Variants in TPP2 observed in about 807,000 individuals in gnomAD.
TPP2 encodes tripeptidyl-peptidase 2.
In TPP2, 34 loss-of-function variants were observed where a neutral mutation model predicts 155.9. That is an observed-to-expected ratio of 0.22 (90% CI 0.17 to 0.29). The LOEUF (loss-of-function observed/expected upper bound fraction) is 0.29, where lower values mean the gene tolerates loss of function less well. Among genes scored for constraint, TPP2 ranks in the 10% least tolerant of loss-of-function variants. The probability of loss-of-function intolerance (pLI) is 1.00; values close to 1 mark genes in which losing one functional copy is unlikely to be tolerated. For synonymous variants in TPP2, 510 were observed against 529.4 expected, an observed-to-expected ratio of 0.96 and a Z score of 0.50; for missense variants, 1,028 against 1,522.3, an observed-to-expected ratio of 0.68 and a Z score of 5.40.
rs527719236 is a variant in TPP2 at position 102,649,766 on chromosome 13, T to TTCCTGTGAAACATCCTGTGAAACA, written c.2952+293_2952+294insCCTGTGAAACATCCTGTGAAACAT. 1.9e-3 allele frequency among the ~76,000 whole-genome samples: 286 copies of TTCCTGTGAAACATCCTGTGAAACA among 152,270 alleles called. 2 individuals are homozygous for TTCCTGTGAAACATCCTGTGAAACA. Among genetic ancestry groups the TTCCTGTGAAACATCCTGTGAAACA allele is most frequent in the African/African-American group, 6.6e-3 (273 of 41,574 alleles). ...CCTCCTACGGCTAATACACTTGAAC[T>TTCCTGTGAAACATCCTGTGAAACA]TCCTGTGAAACATGTAAATACAAAT... On this transcript the variant is annotated intron_variant, in intron 23 of 29. Coordinates refer to ENST00000376052, the MANE Select transcript of TPP2 (RefSeq NM_001330588.2).
intron 27 of TPP2, among the ~76,000 whole-genome samples, chr13:102,666,548 G>C (rs559460318): frequency 3.3e-5 from 5 of 151,902 alleles, no homozygotes; most frequent in Non-Finnish European, 7.4e-5. Flanking sequence ...TGCAGCCCCC[G>C]ACATTAACTA....
chr13:102,626,769 G>A, intron 6 of TPP2: 1 of 293,522 alleles, frequency 3.4e-6, no homozygotes, highest in Non-Finnish European at 6.2e-6. Flanking sequence ...AATGTTTGAA[G>A]GGGGGATTCT....
At chr13:102,609,821 A>T (rs1014253228) in intron 2 of TPP2, among the ~76,000 whole-genome samples, 1 of 152,142 alleles carries the variant, frequency 6.6e-6, no homozygotes, top group African/African-American at 2.4e-5. Context: ...AAGGGGTTAT[A>T]TTTCGACATG....
chr13:102,676,264 A>G, intron 28 of TPP2, 32 bp from the exon 29 acceptor site: 1 of 1,523,508 alleles, frequency 6.6e-7, no homozygotes, highest in Non-Finnish European at 8.9e-7. Flanking sequence ...AAATTATTTT[A>G]TAAACAAGCT....
intron 6 of TPP2, 55 bp from the exon 7 acceptor site, chr13:102,626,957 A>C: frequency 7.0e-7 from 1 of 1,430,764 alleles, no homozygotes; most frequent in Non-Finnish European, 9.2e-7. Context: ...ATTGAATTGA[A>C]TAAACTTTCA....
chr13:102,633,848 C>T (rs1595168349), intron 10 of TPP2, 102 bp from the exon 11 acceptor site: 2 of 1,499,524 alleles, frequency 1.3e-6, no homozygotes, highest in East Asian at 4.5e-5. Context: ...GCAGTTAGTA[C>T]ATAGTGTTAT....
chr13:102,625,377 G>A (rs1260185253), intron 6 of TPP2, among the ~76,000 whole-genome samples: 2 of 150,842 alleles, frequency 1.3e-5, no homozygotes, highest in Admixed American at 6.6e-5. Context: ...TGTTAGCCAG[G>A]ATGGTCTCGA....
chr13:102,633,370 T>G (rs1280446924), intron 10 of TPP2, among the ~76,000 whole-genome samples: 2 of 152,114 alleles, frequency 1.3e-5, no homozygotes, highest in Middle Eastern at 3.2e-3. Flanking sequence ...TTCAAAGACT[T>G]GGTACAAAAA....
At chr13:102,652,114 G>C (rs1009089993) in intron 24 of TPP2, among the ~76,000 whole-genome samples, 1 of 152,126 alleles carries the variant, frequency 6.6e-6, no homozygotes, top group African/African-American at 2.4e-5. Context: ...AGTGACTCAT[G>C]CCTGTAATCC....
At chr13:102,601,595 A>T (rs990154065) in intron 1 of TPP2, among the ~76,000 whole-genome samples, 1 of 152,182 alleles carries the variant, frequency 6.6e-6, no homozygotes, top group Non-Finnish European at 1.5e-5. Context: ...AGGATTTAAT[A>T]CCGAAGCTCT....
intron 6 of TPP2, among the ~76,000 whole-genome samples, chr13:102,623,253 A>G (rs1881299567): frequency 6.6e-6 from 1 of 152,172 alleles, no homozygotes; most frequent in Admixed American, 6.5e-5. Flanking sequence ...ATATAAAAGC[A>G]TGTTCCAACA....
At chr13:102,673,096 C>G (rs2139617938) in intron 27 of TPP2, among the ~76,000 whole-genome samples, 1 of 152,250 alleles carries the variant, frequency 6.6e-6, no homozygotes, top group East Asian at 1.9e-4. Context: ...TGAGAATACC[C>G]CGGTCTTGGG....
chr13:102,615,983 G>A (rs1160199205), intron 3 of TPP2, among the ~76,000 whole-genome samples: 5 of 150,708 alleles, frequency 3.3e-5, no homozygotes, highest in African/African-American at 7.3e-5. Context: ...TTGAGACAGA[G>A]TCTTACTCTG....
intron 27 of TPP2, among the ~76,000 whole-genome samples, chr13:102,666,091 A>C (rs368327540): frequency 3.9e-5 from 6 of 152,218 alleles, no homozygotes; most frequent in Non-Finnish European, 8.8e-5. Flanking sequence ...ATAAGGGACT[A>C]TTGAGGGCAT....
intron 5 of TPP2, among the ~76,000 whole-genome samples, 163 bp downstream of exon 5, chr13:102,619,009 C>G (rs1237207802): frequency 6.6e-6 from 1 of 152,074 alleles, no homozygotes; most frequent in Non-Finnish European, 1.5e-5. Flanking sequence ...TTGGACAAGC[C>G]CCTTGAACTT....
At chr13:102,600,862 C>T (rs144567138) in intron 1 of TPP2, among the ~76,000 whole-genome samples, 1 of 151,664 alleles carries the variant, frequency 6.6e-6, no homozygotes, top group East Asian at 1.9e-4. Flanking sequence ...TGTATGCTTT[C>T]ATAGATAGTG....
chr13:102,634,381 T>TTA (rs952811872), intron 11 of TPP2, among the ~76,000 whole-genome samples: 6 of 152,142 alleles, frequency 3.9e-5, no homozygotes, highest in African/African-American at 1.4e-4. Context: ...GGTTACATCA[T>TTA]TATATATATT....
chr13:102,627,043 T>G lies in TPP2; in HGVS notation c.816T>G (p.Ala272=). The G allele has an allele frequency of 3.1e-6, 5 of 1,599,424 alleles. No homozygotes were observed. Among genetic ancestry groups the G allele is most frequent in the Non-Finnish European group, 4.3e-6 (5 of 1,173,114 alleles). ...GAHGTHVASI[A]AGHFPEEPER... ...ATGGGACACATGTAGCTAGTATAGC[T>G]GCTGGACACTTTCCAGAAGAACCTG... The change falls in exon 7 of 30, where the codon GCT becomes GCG. Residue 272 remains alanine, a synonymous_variant. Coordinates refer to ENST00000376052, the MANE Select transcript of TPP2 (RefSeq NM_001330588.2).
intron 13 of TPP2, among the ~76,000 whole-genome samples, chr13:102,636,757 C>T (rs550860075): frequency 2.1e-4 from 32 of 152,282 alleles, no homozygotes; most frequent in African/African-American, 7.5e-4. Context: ...AACTGCAGCT[C>T]GATTAGGTGT....
Sources: gnomAD v4.1 joint callset for allele counts (sites outside exome capture counted in the v4.1 genomes callset) on GRCh38, gnomAD v4.1.1 for gene constraint, MANE v1.5 for transcripts, NCBI Gene and HGNC (gene_info 2026-07-23, HGNC 2026-07-21) for gene names.